Variants in TRPM3 observed in about 807,000 individuals in gnomAD.
The protein encoded by TRPM3 is long transient receptor potential channel 3.
TRPM3 carries 77 observed loss-of-function variants against 181.2 expected under a neutral mutation model. The ratio of observed to expected loss-of-function variants is 0.42; its 90% CI spans 0.35 to 0.51. The LOEUF (loss-of-function observed/expected upper bound fraction) is 0.51. Ranked by LOEUF, TRPM3 falls within the 20% of genes least tolerant of loss-of-function variation. TRPM3 has a pLI of 0.01. For missense variants in TRPM3, 1,759 were observed against 2,196.7 expected (o/e 0.80, Z 3.98); for synonymous variants, 745 against 796.4 (o/e 0.94, Z 1.09).
chr9:70,638,027 T>C (rs2057491998), intron 11 of TRPM3, among the ~76,000 whole-genome samples: 1 of 152,048 alleles, frequency 6.6e-6, no homozygotes, highest in Admixed American at 6.6e-5. Flanking sequence ...ATAATAATAA[T>C]AGAAAAGAAG....
At chr9:70,869,126 C>T (rs906136768) in intron 1 of TRPM3, 17 of 899,542 alleles carry the variant, frequency 1.9e-5, no homozygotes, top group Admixed American at 6.2e-5. Flanking sequence ...ACTTGTTCGG[C>T]TCTTCCCCCA....
intron 1 of TRPM3, among the ~76,000 whole-genome samples, chr9:71,195,223 C>G (rs571496455): frequency 1.3e-5 from 2 of 152,142 alleles, no homozygotes; most frequent in East Asian, 3.9e-4. Context: ...GAACAGACAA[C>G]CTACAGAATG....
chr9:71,076,030 A>T (rs2063407104), intron 1 of TRPM3, among the ~76,000 whole-genome samples: 1 of 152,186 alleles, frequency 6.6e-6, no homozygotes, highest in Admixed American at 6.6e-5. Context: ...TTTAAGATAC[A>T]GTTAAGTACC....
intron 1 of TRPM3, among the ~76,000 whole-genome samples, chr9:71,076,057 A>T (rs2133640919): frequency 6.6e-6 from 1 of 152,324 alleles, no homozygotes; most frequent in East Asian, 1.9e-4. Context: ...ACGTTTACGT[A>T]AAACAAACCA....
At chr9:70,615,629 T>C (rs1814810826) in intron 18 of TRPM3, among the ~76,000 whole-genome samples, 1 of 152,228 alleles carries the variant, frequency 6.6e-6, no homozygotes, top group African/African-American at 2.4e-5. Context: ...TTTGCTTGTT[T>C]GGAAAATGTA....
intron 8 of TRPM3, among the ~76,000 whole-genome samples, chr9:70,697,586 CT>C (rs926643610): frequency 6.6e-6 from 1 of 151,504 alleles, no homozygotes; most frequent in Non-Finnish European, 1.5e-5. Flanking sequence ...AGACTATTAA[CT>C]TTTTTTTTAG....
chr9:70,787,615 C>T (rs192300648), intron 6 of TRPM3, among the ~76,000 whole-genome samples: 125 of 152,176 alleles, frequency 8.2e-4, no homozygotes, highest in African/African-American at 2.8e-3. Flanking sequence ...CATCAGATAA[C>T]TAGTAATGAC....
At chr9:71,262,539 G>A (rs1290618649) in intron 1 of TRPM3, among the ~76,000 whole-genome samples, 1 of 152,088 alleles carries the variant, frequency 6.6e-6, no homozygotes, top group African/African-American at 2.4e-5. Context: ...CTATCTCACT[G>A]GTATTCCAGG....
At chr9:70,877,267 G>A (rs1030750337) in intron 1 of TRPM3, among the ~76,000 whole-genome samples, 1 of 151,856 alleles carries the variant, frequency 6.6e-6, no homozygotes, top group African/African-American at 2.4e-5. Flanking sequence ...ATGCCAAGTC[G>A]ACTCAGCTCA....
chr9:70,603,709 G>A (rs1341779297), intron 19 of TRPM3, among the ~76,000 whole-genome samples: 3 of 152,208 alleles, frequency 2.0e-5, no homozygotes, highest in South Asian at 2.1e-4. Flanking sequence ...CTGGTGCTTC[G>A]TTTAAATCTA....
chr9:70,661,438 G>T (rs749951854), intron 9 of TRPM3, among the ~76,000 whole-genome samples: 1 of 152,002 alleles, frequency 6.6e-6, no homozygotes, highest in African/African-American at 2.4e-5. Context: ...GTCCTAACCA[G>T]AGCAATCAGA....
At chr9:71,147,350 C>T (rs999820983) in intron 1 of TRPM3, among the ~76,000 whole-genome samples, 3 of 151,386 alleles carry the variant, frequency 2.0e-5, no homozygotes, top group African/African-American at 7.3e-5. Flanking sequence ...TTGCTTCTTG[C>T]CTTTAAGGAG....
At chr9:71,050,418 A>G (rs1461841915) in intron 1 of TRPM3, among the ~76,000 whole-genome samples, 1 of 152,230 alleles carries the variant, frequency 6.6e-6, no homozygotes, top group Admixed American at 6.5e-5. Context: ...CACAGAAATT[A>G]AAGTGTTTCC....
At chr9:70,555,660 AC>A (rs2047514836) in intron 22 of TRPM3, among the ~76,000 whole-genome samples, 1 of 152,112 alleles carries the variant, frequency 6.6e-6, no homozygotes, top group South Asian at 2.1e-4. Context: ...GAATCTTCTT[AC>A]ACTCAACCAG....
At chr9:71,286,355 C>A (rs961659427) in intron 1 of TRPM3, among the ~76,000 whole-genome samples, 1 of 152,172 alleles carries the variant, frequency 6.6e-6, no homozygotes, top group African/African-American at 2.4e-5. Flanking sequence ...GAGCCAGAAT[C>A]GTGCTGTGAT....
intron 22 of TRPM3, 162 bp downstream of exon 22, chr9:70,590,869 A>G (rs774094860): frequency 1.2e-6 from 1 of 836,758 alleles, no homozygotes. Flanking sequence ...AAAATTGTGT[A>G]TTCACCTTCT....
intron 9 of TRPM3, among the ~76,000 whole-genome samples, chr9:70,641,769 C>A (rs2058091396): frequency 6.6e-6 from 1 of 152,152 alleles, no homozygotes; most frequent in Non-Finnish European, 1.5e-5. Flanking sequence ...TAGGTGAATG[C>A]ATCCTGTCCA....
chr9:71,064,554 T>A (rs2061685678), intron 1 of TRPM3, among the ~76,000 whole-genome samples: 1 of 152,096 alleles, frequency 6.6e-6, no homozygotes, highest in African/African-American at 2.4e-5. Flanking sequence ...TATATTTGAT[T>A]ATAGGCATGA....
intron 6 of TRPM3, among the ~76,000 whole-genome samples, chr9:70,792,457 G>A (rs1198977791): frequency 6.6e-6 from 1 of 151,816 alleles, no homozygotes; most frequent in Non-Finnish European, 1.5e-5. Context: ...AGGAAGGAGA[G>A]AGAGAGGGGA....
Sources: gnomAD v4.1 joint callset for allele counts (sites outside exome capture counted in the v4.1 genomes callset) on GRCh38, gnomAD v4.1.1 for gene constraint, MANE v1.5 for transcripts, NCBI Gene and HGNC (gene_info 2026-07-23, HGNC 2026-07-21) for gene names.